Variants in DOK6 observed in about 807,000 individuals in gnomAD.
The protein encoded by DOK6 is downstream of tyrosine kinase 6.
DOK6 carries 22 observed loss-of-function variants against 44.0 expected under a neutral mutation model. That is an observed-to-expected ratio of 0.50 (90% CI 0.36 to 0.71). The LOEUF (loss-of-function observed/expected upper bound fraction) is 0.71. Ranked by LOEUF, DOK6 falls within the 30% of genes least tolerant of loss-of-function variation. The probability of loss-of-function intolerance (pLI) is 0.00; values close to 1 mark genes in which losing one functional copy is unlikely to be tolerated. For missense variants in DOK6, 340 were observed against 416.4 expected, an observed-to-expected ratio of 0.82 and a Z score of 1.60; for synonymous variants, 166 against 145.5, an observed-to-expected ratio of 1.14 and a Z score of -1.01.
intron 5 of DOK6, among the ~76,000 whole-genome samples, chr18:69,709,417 A>T (rs188561635): frequency 3.7e-4 from 56 of 152,228 alleles, no homozygotes; most frequent in African/African-American, 1.1e-3. Flanking sequence ...AATATTTTTT[A>T]AAAAAATATG....
chr18:69,745,058 TG>T lies in DOK6; in HGVS notation c.738+5956del, dbSNP rs199682199. On this transcript the variant is annotated intron_variant, in intron 6 of 7. Coordinates refer to ENST00000382713, the MANE Select transcript of DOK6 (RefSeq NM_152721.6). ...TAATTTATCTAACCAGTGGTGTTCT[TG>T]CATGATGTGAGTAAAAATTAGACTA... is the stretch of plus-strand genomic sequence containing the variant. Among the ~76,000 whole-genome samples the T allele has an allele frequency of 2.9e-3, 436 of 152,250 alleles. 5 individuals carry two copies. The highest frequency in any genetic ancestry group is 2.6e-3 in the Non-Finnish European group (174 of 68,014).
chr18:69,716,777 G>T (rs1986893949), intron 5 of DOK6, among the ~76,000 whole-genome samples: 1 of 151,252 alleles, frequency 6.6e-6, no homozygotes, highest in South Asian at 2.1e-4. Flanking sequence ...GCCCTAAAGT[G>T]GTGTTTCAAA....
intron 1 of DOK6, among the ~76,000 whole-genome samples, chr18:69,451,251 G>A (rs1484971310): frequency 7.0e-6 from 1 of 141,846 alleles, no homozygotes; most frequent in African/African-American, 2.6e-5. Context: ...AAAAAGGCAG[G>A]GGTTGCAATC....
At chr18:69,646,598 A>T (rs1041932424) in intron 3 of DOK6, among the ~76,000 whole-genome samples, 1 of 152,114 alleles carries the variant, frequency 6.6e-6, no homozygotes, top group Non-Finnish European at 1.5e-5. Flanking sequence ...CATGGTGCCC[A>T]TTTGGTGGAG....
chr18:69,494,806 C>T (rs754786028), intron 1 of DOK6, among the ~76,000 whole-genome samples: 5 of 152,170 alleles, frequency 3.3e-5, no homozygotes, highest in African/African-American at 4.8e-5. Context: ...ATTTTTTAAT[C>T]ATACTGTTGC....
At chr18:69,676,967 A>G (rs1985935870) in intron 3 of DOK6, among the ~76,000 whole-genome samples, 2 of 152,220 alleles carry the variant, frequency 1.3e-5, no homozygotes, top group South Asian at 4.1e-4. Flanking sequence ...GGAGGTAATC[A>G]TAGAAAAAAA....
At chr18:69,545,914 T>C (rs1261239914) in intron 1 of DOK6, among the ~76,000 whole-genome samples, 1 of 151,434 alleles carries the variant, frequency 6.6e-6, no homozygotes, top group Non-Finnish European at 1.5e-5. Flanking sequence ...TTAAAAAGTG[T>C]TGGTCCTATG....
intron 1 of DOK6, among the ~76,000 whole-genome samples, chr18:69,504,481 T>C (rs189463473): frequency 1.3e-5 from 2 of 152,266 alleles, no homozygotes; most frequent in African/African-American, 4.8e-5. Context: ...CCTGCTTCTC[T>C]AGTTAAGGCA....
intron 7 of DOK6, among the ~76,000 whole-genome samples, chr18:69,819,464 A>G (rs78508287): frequency 6.6e-6 from 1 of 152,070 alleles, no homozygotes; most frequent in Non-Finnish European, 1.5e-5. Context: ...TCATTCCAGC[A>G]TGTACAATCC....
intron 1 of DOK6, among the ~76,000 whole-genome samples, chr18:69,504,859 A>T (rs143548086): frequency 2.0e-3 from 301 of 152,284 alleles, no homozygotes; most frequent in African/African-American, 6.7e-3. Context: ...CCAATATCTC[A>T]GTTTTGTTAC....
At chr18:69,760,195 G>A (rs1434487453) in intron 7 of DOK6, among the ~76,000 whole-genome samples, 1 of 152,182 alleles carries the variant, frequency 6.6e-6, no homozygotes. Flanking sequence ...AGGAGCCTCA[G>A]TAGTTTTTTT....
chr18:69,698,905 G>A (rs558748038), intron 5 of DOK6, among the ~76,000 whole-genome samples: 6 of 151,836 alleles, frequency 4.0e-5, no homozygotes, highest in East Asian at 1.9e-4. Context: ...CTATATTTTC[G>A]GTGTGCCTGT....
At chr18:69,477,165 T>A (rs1468561594) in intron 1 of DOK6, among the ~76,000 whole-genome samples, 1 of 152,230 alleles carries the variant, frequency 6.6e-6, no homozygotes, top group Non-Finnish European at 1.5e-5. Context: ...CAATGCTGTT[T>A]GAAATATGTA....
intron 7 of DOK6, among the ~76,000 whole-genome samples, chr18:69,820,465 T>C (rs1433768268): frequency 6.6e-6 from 1 of 152,162 alleles, no homozygotes; most frequent in Non-Finnish European, 1.5e-5. Flanking sequence ...ATCATCTCCA[T>C]AGGGTGCGTA....
intron 1 of DOK6, among the ~76,000 whole-genome samples, chr18:69,502,696 C>T (rs1228340456): frequency 2.6e-5 from 4 of 151,982 alleles, no homozygotes; most frequent in African/African-American, 7.2e-5. Flanking sequence ...CCATCAGGAA[C>T]CCCACACTTC....
At chr18:69,752,039 T>TAA (rs71989648) in intron 6 of DOK6, among the ~76,000 whole-genome samples, 1 of 151,558 alleles carries the variant, frequency 6.6e-6, no homozygotes, top group African/African-American at 2.4e-5. Flanking sequence ...CTTGAGAAGG[T>TAA]AAAAAAAATA....
chr18:69,538,325 A>G (rs1360572111), intron 1 of DOK6, among the ~76,000 whole-genome samples: 1 of 152,082 alleles, frequency 6.6e-6, no homozygotes, highest in Non-Finnish European at 1.5e-5. Context: ...TTCATTGTTA[A>G]TATTTTTTTC....
chr18:69,568,731 C>T (rs899359236), intron 2 of DOK6, among the ~76,000 whole-genome samples: 12 of 152,242 alleles, frequency 7.9e-5, no homozygotes, highest in African/African-American at 2.9e-4. Context: ...GGCATTACCA[C>T]CTGAGCTCCA....
rs139420505 is a variant in DOK6 at position 69,606,273 on chromosome 18, A to AAAAT, written c.289+6827_289+6830dup. ...GGCAACAAGAGCGAAACTCCATCTCAAAATAAATAAATAAATAAATAAATA... is the reference window on the plus strand; with the variant it reads ...GGCAACAAGAGCGAAACTCCATCTCAAAATAAATAAATAAATAAATAAATAAATA... On this transcript the variant is annotated intron_variant, in intron 3 of 7. Coordinates refer to ENST00000382713, the MANE Select transcript of DOK6 (RefSeq NM_152721.6). Among the ~76,000 whole-genome samples, 387 of 142,714 alleles carry AAAAT rather than the reference A, an allele frequency of 2.7e-3. 1 individual carries two copies. Among genetic ancestry groups the AAAAT allele is most frequent in the African/African-American group, 5.4e-3 (204 of 37,572 alleles). The allele number at this position is 142,714 out of a possible 152,430, so 93.6% of individuals were successfully genotyped here. A position where few individuals can be genotyped will look rare whatever the true frequency, so the allele number is the denominator to read the frequency against.
Sources: allele counts gnomAD v4.1 joint callset (sites outside exome capture counted in the v4.1 genomes callset), GRCh38; gene constraint gnomAD v4.1.1; transcripts MANE v1.5; gene names NCBI Gene and HGNC (gene_info 2026-07-23, HGNC 2026-07-21).